Variants in AUNIP observed in about 807,000 individuals in gnomAD.
AUNIP encodes the protein aurora kinase A- and ninein-interacting protein.
Under a neutral mutation model 12.2 loss-of-function variants are expected in AUNIP, and 16 were observed. The observed-to-expected ratio is 1.31, with a 90% CI of 0.88 to 1.99. The LOEUF is 1.99. Among genes scored for constraint, AUNIP ranks in the 30% most tolerant of loss-of-function variants. The pLI is 0.00. For missense variants in AUNIP, 411 were observed against 419.1 expected, an observed-to-expected ratio of 0.98 and a Z score of 0.17; for synonymous variants, 142 against 154.8, an observed-to-expected ratio of 0.92 and a Z score of 0.61.
chr1:25,843,719 G>A (rs772895914), intron 1 of AUNIP, among the ~76,000 whole-genome samples: 34 of 150,090 alleles, frequency 2.3e-4, no homozygotes, highest in South Asian at 6.4e-4. Flanking sequence ...CAGTATTTAA[G>A]AGTTCAGTGA....
downstream of AUNIP, among the ~76,000 whole-genome samples, chr1:25,833,844 A>G (rs1387960926): frequency 6.6e-6 from 1 of 152,152 alleles, no homozygotes; most frequent in African/African-American, 2.4e-5. Flanking sequence ...TAAGCCTCTT[A>G]GATACCACAT....
chr1:25,841,389 T>A (rs751987636), intron 1 of AUNIP, among the ~76,000 whole-genome samples: 4 of 152,244 alleles, frequency 2.6e-5, no homozygotes, highest in Non-Finnish European at 4.4e-5. Flanking sequence ...TTTTACAAAT[T>A]GAAGGTTTGT....
At position 25,859,213 on chromosome 1, in the gene AUNIP, C is replaced by T. The variant is rs549175519; in HGVS notation, c.78+67G>A. Reference sequence around the variant, plus strand: ...TCATCATCTCCAGGTGTCCCCCAAACTCCTCCCGTCTTACGCCTCCAGGCC... The same window carrying T: ...TCATCATCTCCAGGTGTCCCCCAAATTCCTCCCGTCTTACGCCTCCAGGCC... On this transcript the variant is annotated intron_variant, in intron 1 of 2. Transcript: ENST00000374298. 7 of 1,508,948 alleles carry T rather than the reference C, an allele frequency of 4.6e-6. No homozygotes were observed. The South Asian group carries it at 6.1e-5, about 13-fold the overall frequency. 93.5% of individuals were successfully genotyped at this position (1,508,948 alleles called of 1,614,324 possible).
intron 1 of AUNIP, among the ~76,000 whole-genome samples, chr1:25,841,224 GT>G (rs2048345515): frequency 6.6e-6 from 1 of 152,164 alleles, no homozygotes; most frequent in African/African-American, 2.4e-5. Flanking sequence ...GTGAGAAAAG[GT>G]TATTTGGAAC....
At chr1:25,833,759 A>C (rs971651458), downstream of AUNIP, among the ~76,000 whole-genome samples, 16 of 151,874 alleles carry the variant, frequency 1.1e-4, no homozygotes, top group Admixed American at 8.5e-4. Flanking sequence ...GTCTCAAAAA[A>C]ATAAAATTTA....
At chr1:25,853,868 G>A (rs1343926525) in intron 1 of AUNIP, among the ~76,000 whole-genome samples, 1 of 152,126 alleles carries the variant, frequency 6.6e-6, no homozygotes, top group Non-Finnish European at 1.5e-5. Context: ...AGCCATTTAT[G>A]ACCCAATCTG....
chr1:25,849,806 G>T lies in AUNIP; in HGVS notation c.78+9474C>A, dbSNP rs564773693. The stretch of plus-strand genomic sequence containing the variant: ...CTGCCACCATGCCTGGCTAAGTTTT[G>T]TATTTTTTTAGTAGAGACGGGGTTT... On this transcript the variant is annotated intron_variant, in intron 1 of 2. Transcript: ENST00000374298. Among the ~76,000 whole-genome samples, 18 of 152,124 alleles carry T rather than the reference G, an allele frequency of 1.2e-4. No homozygotes were observed. The South Asian group carries it at 3.3e-3, about 28-fold the overall frequency.
At position 25,835,606 on chromosome 1, in the gene AUNIP, G is replaced by A. The variant is rs527761721; in HGVS notation, c.461C>T (p.Ser154Phe). 1.9e-6 allele frequency: 3 copies of A among 1,614,260 alleles called. No individual in the cohort carries two copies. Among genetic ancestry groups the A allele is most frequent in the African/African-American group, 2.7e-5 (2 of 75,066 alleles). The change falls in exon 3 of 3, where the codon TCT becomes TTT. Residue 154 changes from serine (S) to phenylalanine (F), a missense_variant. By Grantham distance (155) the Ser-to-Phe change is radical (BLOSUM62 -2). Coordinates refer to ENST00000374298, the MANE Select transcript of AUNIP (RefSeq NM_024037.3). ...RMKTPFSTEL[S>F]LLQPDTPDCA... ...GTCTGGAGTATCAGGCTGGAGCAAA[G>A]ATAGCTCAGTTGAAAATGGGGTTTT...
intron 1 of AUNIP, among the ~76,000 whole-genome samples, chr1:25,838,684 G>C (rs2048322940): frequency 6.6e-6 from 1 of 152,122 alleles, no homozygotes; most frequent in Admixed American, 6.5e-5. Context: ...GAATGGAACT[G>C]GAAGATAGGC....
At chr1:25,859,037 C>G (rs2048485313) in intron 1 of AUNIP, among the ~76,000 whole-genome samples, 1 of 152,136 alleles carries the variant, frequency 6.6e-6, no homozygotes. Flanking sequence ...CCCCTCCCTG[C>G]GCACCGCTCC....
intron 1 of AUNIP, among the ~76,000 whole-genome samples, chr1:25,850,160 G>A (rs1435723999): frequency 3.9e-5 from 6 of 151,912 alleles, no homozygotes; most frequent in Non-Finnish European, 7.4e-5. Flanking sequence ...AGCACTCTGG[G>A]TGTGATCATA....
Position 25,834,259 on chromosome 1 carries a change from AG to A in AUNIP, c.*733del. On this transcript the variant is annotated 3_prime_UTR_variant, in exon 3 of 3. Coordinates refer to ENST00000374298, the MANE Select transcript of AUNIP (RefSeq NM_024037.3). ...GAGATTTGCTAATCACTGAAAAAAAAGGGTCAAGAGTAATCATCCCAAGCTT... is the reference window on the plus strand; with the variant it reads ...GAGATTTGCTAATCACTGAAAAAAAAGGTCAAGAGTAATCATCCCAAGCTT... The A allele has an allele frequency of 1.0e-6, 1 of 985,300 alleles. No homozygotes were observed. The highest frequency in any genetic ancestry group is 1.2e-6 in the Non-Finnish European group (1 of 829,884). The allele number at this position is 985,300 out of a possible 1,614,324, so 61.0% of individuals were successfully genotyped here.
chr1:25,859,155 A>T, intron 1 of AUNIP, 125 bp downstream of exon 1: 1 of 1,032,754 alleles, frequency 9.7e-7, no homozygotes, highest in South Asian at 1.4e-5. Flanking sequence ...TGAATCCCCA[A>T]CGCTGTTCCC....
intron 1 of AUNIP, among the ~76,000 whole-genome samples, chr1:25,842,280 T>A (rs1262203993): frequency 6.6e-6 from 1 of 152,220 alleles, no homozygotes; most frequent in Non-Finnish European, 1.5e-5. Context: ...GGATAAATGA[T>A]CAAAGTAGCC....
chr1:25,843,185 A>ATATATATATATATATATAT (rs1364857694), intron 1 of AUNIP, among the ~76,000 whole-genome samples: 4 of 124,964 alleles, frequency 3.2e-5, no homozygotes, highest in South Asian at 5.5e-4. Flanking sequence ...AAAAAAAAAA[A>ATATATATATATATATATAT]ATATATATAT....
At chr1:25,850,186 T>G (rs1002225195) in intron 1 of AUNIP, among the ~76,000 whole-genome samples, 2 of 151,772 alleles carry the variant, frequency 1.3e-5, no homozygotes, top group South Asian at 4.2e-4. Context: ...CCAGTCTGGG[T>G]AACAAATTGA....
intron 1 of AUNIP, among the ~76,000 whole-genome samples, chr1:25,840,435 T>C (rs560105036): frequency 6.6e-6 from 1 of 152,198 alleles, no homozygotes; most frequent in Admixed American, 6.5e-5. Flanking sequence ...GGACAGAAAA[T>C]ATGTTTGAAG....
chr1:25,842,409 G>A lies in AUNIP; in HGVS notation c.79-4855C>T, dbSNP rs531162478. Among the ~76,000 whole-genome samples, 14 of 152,354 alleles carry A rather than the reference G, an allele frequency of 9.2e-5. No individual in the cohort carries two copies. The East Asian group carries it at 2.5e-3, about 27-fold the overall frequency. On this transcript the variant is annotated intron_variant, in intron 1 of 2. Coordinates refer to ENST00000374298, the MANE Select transcript of AUNIP (RefSeq NM_024037.3). ...GAAGAAAAGTTTGAAGCTAGCAGAG[G>A]CTGGTTCATGAGGTTGAAGGAAAAA...
chr1:25,856,987 A>G (rs1010710276), intron 1 of AUNIP, among the ~76,000 whole-genome samples: 4 of 151,664 alleles, frequency 2.6e-5, no homozygotes, highest in African/African-American at 9.7e-5. Flanking sequence ...TTGTGGCACT[A>G]TGCCTGTAGT....
Sources: gnomAD v4.1 joint callset for allele counts (sites outside exome capture counted in the v4.1 genomes callset) on GRCh38, gnomAD v4.1.1 for gene constraint, MANE v1.5 for transcripts, NCBI Gene and HGNC (gene_info 2026-07-23, HGNC 2026-07-21) for gene names.